The following OR1F1 variants were observed in gnomAD, a reference collection of about 807,000 sequenced individuals.
The protein encoded by OR1F1 is olfactory receptor 1F1.
For synonymous variants in OR1F1, 184 were observed against 156.7 expected (o/e 1.17, Z -1.30); for missense variants, 493 against 376.3 (o/e 1.31, Z -2.57).
At chr16:3,200,789 T>G (rs1958128085), upstream of OR1F1, among the ~76,000 whole-genome samples, 1 of 152,204 alleles carries the variant, frequency 6.6e-6, no homozygotes, top group Non-Finnish European at 1.5e-5. Flanking sequence ...GTCACCACAG[T>G]TGCTGTGTCC....
chr16:3,202,629 G>T (rs9936364), upstream of OR1F1, among the ~76,000 whole-genome samples: 25,782 of 149,742 alleles, frequency 0.17, 2,683 homozygotes, highest in African/African-American at 0.29. Flanking sequence ...GTAGTACCTT[G>T]CCTGGGCAAC....
the OR1F1 span, among the ~76,000 whole-genome samples, chr16:3,189,481 T>A: frequency 6.6e-6 from 1 of 152,176 alleles, no homozygotes; most frequent in Non-Finnish European, 1.5e-5. Context: ...GGGCCGGGGC[T>A]CTGGGCTTCC....
At chr16:3,203,848 C>T (rs748621690), upstream of OR1F1, among the ~76,000 whole-genome samples, 13 of 152,308 alleles carry the variant, frequency 8.5e-5, no homozygotes, top group Non-Finnish European at 1.6e-4. Flanking sequence ...ACCCTCCTTC[C>T]TTTCAATTAT....
At chr16:3,192,915 A>G in the OR1F1 span, among the ~76,000 whole-genome samples, 36,955 of 151,866 alleles carry the variant, frequency 0.24, 4,609 homozygotes, top group African/African-American at 0.29. Flanking sequence ...GCCCCGCGGG[A>G]TTAAAAAAAA....
chr16:3,190,120 T>C, the OR1F1 span, among the ~76,000 whole-genome samples: 1 of 152,132 alleles, frequency 6.6e-6, no homozygotes, highest in African/African-American at 2.4e-5. Context: ...GCAGTCTTAA[T>C]GAGAGAGTGA....
chr16:3,193,969 G>GC, the OR1F1 span, among the ~76,000 whole-genome samples: 2 of 152,154 alleles, frequency 1.3e-5, no homozygotes, highest in Non-Finnish European at 2.9e-5. Context: ...AGGGATTGTG[G>GC]GTTCGAGTTC....
At chr16:3,195,070 G>C in the OR1F1 span, among the ~76,000 whole-genome samples, 1 of 152,176 alleles carries the variant, frequency 6.6e-6, no homozygotes, top group Non-Finnish European at 1.5e-5. Context: ...GTGTCCCCCG[G>C]AGCACAATGC....
At chr16:3,202,702 TAATAAC>T (rs1400750748), upstream of OR1F1, among the ~76,000 whole-genome samples, 13 of 137,310 alleles carry the variant, frequency 9.5e-5, no homozygotes, top group Admixed American at 7.1e-4. Context: ...ATAATAATAA[TAATAAC>T]AATTTAATAT....
chr16:3,202,694 A>C (rs191751471), upstream of OR1F1, among the ~76,000 whole-genome samples: 591 of 137,888 alleles, frequency 4.3e-3, 3 homozygotes, highest in African/African-American at 0.017. Context: ...TAATAATAAT[A>C]ATAATAATAA....
chr16:3,202,693 T>TAAC (rs1407551978), upstream of OR1F1, among the ~76,000 whole-genome samples: 1 of 146,414 alleles, frequency 6.8e-6, no homozygotes, highest in African/African-American at 2.5e-5. Context: ...ATAATAATAA[T>TAAC]AATAATAATA....
upstream of OR1F1, among the ~76,000 whole-genome samples, chr16:3,201,516 G>C (rs1020610551): frequency 2.0e-5 from 3 of 152,142 alleles, no homozygotes; most frequent in Non-Finnish European, 4.4e-5. Flanking sequence ...TGCCAAATAC[G>C]TGGAGGAAAA....
exon 1 of OR1F1, chr16:3,204,709 A>G: frequency 3.7e-6 from 6 of 1,613,934 alleles, no homozygotes; most frequent in Non-Finnish European, 5.1e-6. Flanking sequence ...TGCCAACCTG[A>G]ATGTCCTTCT....
chr16:3,203,574 G>C (rs1403683708), upstream of OR1F1, among the ~76,000 whole-genome samples: 1 of 152,164 alleles, frequency 6.6e-6, no homozygotes, highest in Non-Finnish European at 1.5e-5. Flanking sequence ...GACCATCATG[G>C]CCAACATGGT....
chr16:3,190,749 T>TAAAAAA, the OR1F1 span, among the ~76,000 whole-genome samples: 3 of 92,210 alleles, frequency 3.3e-5, no homozygotes, highest in African/African-American at 8.8e-5. Flanking sequence ...AGACTCTATC[T>TAAAAAA]AAAAAAAAAA....
At chr16:3,198,143 G>A in the OR1F1 span, among the ~76,000 whole-genome samples, 1 of 90,768 alleles carries the variant, frequency 1.1e-5, no homozygotes, top group African/African-American at 4.1e-5. Context: ...AGGAGGGAGA[G>A]AGAGGGAGAG....
downstream of OR1F1, among the ~76,000 whole-genome samples, chr16:3,205,804 G>A (rs1410949736): frequency 1.3e-5 from 2 of 152,064 alleles, no homozygotes; most frequent in East Asian, 1.9e-4. Context: ...GTAAGCTGAC[G>A]ATGTACGTCA....
chr16:3,204,523 T>A lies in OR1F1; in HGVS notation c.277T>A (p.Ser93Thr), dbSNP rs371736211. 82 of 1,614,084 alleles carry A rather than the reference T, an allele frequency of 5.1e-5. No individual in the cohort carries two copies. The highest frequency in any genetic ancestry group is 6.6e-5 in the Non-Finnish European group (78 of 1,180,052). ...TCACATACTCGAGACTCAGACCATCTCCTTCTGTGGCTGTCTCACACAGAT... is the reference window on the plus strand; with the variant it reads ...TCACATACTCGAGACTCAGACCATCACCTTCTGTGGCTGTCTCACACAGAT... Residue 93 changes from serine to threonine, a missense_variant, in exon 1 of 1, where the codon TCC becomes ACC. Ser to Thr is a moderately conservative substitution (Grantham distance 58). Coordinates refer to ENST00000304646, the Ensembl canonical transcript of OR1F1.
exon 1 of OR1F1, chr16:3,204,913 T>A (rs1447909479): frequency 6.2e-7 from 1 of 1,614,188 alleles, no homozygotes; most frequent in Non-Finnish European, 8.5e-7. Flanking sequence ...GCACATCACC[T>A]GCACTGTCCT....
At chr16:3,198,411 G>A in the OR1F1 span, among the ~76,000 whole-genome samples, 3 of 152,278 alleles carry the variant, frequency 2.0e-5, no homozygotes, top group Non-Finnish European at 2.9e-5. Flanking sequence ...GTTGGTGGTG[G>A]GGATGACACA....
Sources: gnomAD v4.1 joint callset for allele counts (sites outside exome capture counted in the v4.1 genomes callset) on GRCh38, gnomAD v4.1.1 for gene constraint, MANE v1.5 for transcripts, NCBI Gene and HGNC (gene_info 2026-07-23, HGNC 2026-07-21) for gene names.